SHC3: variants seen among roughly 807,000 people sequenced by gnomAD.
SHC3 encodes SHC-transforming protein 3.
Under a neutral mutation model 60.4 loss-of-function variants are expected in SHC3, and 15 were observed. That is an observed-to-expected ratio of 0.25 (90% CI 0.17 to 0.38). The LOEUF is 0.38. Ranked by LOEUF, SHC3 falls within the 10% of genes least tolerant of loss-of-function variation. SHC3 has a pLI of 1.00. For missense variants in SHC3, 677 were observed against 786.1 expected, an observed-to-expected ratio of 0.86 and a Z score of 1.66; for synonymous variants, 294 against 325.9, an observed-to-expected ratio of 0.90 and a Z score of 1.05.
At chr9:89,136,387 C>T (rs1253286776) in intron 1 of SHC3, among the ~76,000 whole-genome samples, 1 of 152,166 alleles carries the variant, frequency 6.6e-6, no homozygotes, top group Non-Finnish European at 1.5e-5. Flanking sequence ...AAAGACCTTG[C>T]TGATAAAACA....
intron 5 of SHC3, among the ~76,000 whole-genome samples, chr9:89,069,949 G>C (rs960561439): frequency 6.6e-6 from 1 of 152,314 alleles, no homozygotes; most frequent in East Asian, 1.9e-4. Context: ...GGGAAGAAAA[G>C]GTAGAAAAGT....
At chr9:89,095,237 G>A (rs1318869553) in intron 2 of SHC3, among the ~76,000 whole-genome samples, 2 of 152,154 alleles carry the variant, frequency 1.3e-5, no homozygotes, top group African/African-American at 4.8e-5. Context: ...ACTGATGAAT[G>A]GACAAACAAA....
At chr9:89,136,504 C>A (rs181208146) in intron 1 of SHC3, among the ~76,000 whole-genome samples, 204 of 152,272 alleles carry the variant, frequency 1.3e-3, no homozygotes, top group African/African-American at 4.7e-3. Flanking sequence ...TGACAGTTTA[C>A]AAATGCCAGG....
chr9:89,148,628 A>T (rs1273302954), intron 1 of SHC3, among the ~76,000 whole-genome samples: 1 of 152,256 alleles, frequency 6.6e-6, no homozygotes, highest in East Asian at 1.9e-4. Context: ...ATCACAGGTT[A>T]TATAAGATGA....
At chr9:89,031,285 G>C (rs1253850066) in intron 11 of SHC3, among the ~76,000 whole-genome samples, 2 of 152,128 alleles carry the variant, frequency 1.3e-5, no homozygotes, top group African/African-American at 4.8e-5. Flanking sequence ...ACAATTCAAT[G>C]GGTTTCAGTA....
At chr9:89,078,189 T>A (rs1331603277) in intron 2 of SHC3, among the ~76,000 whole-genome samples, 5 of 151,984 alleles carry the variant, frequency 3.3e-5, no homozygotes, top group African/African-American at 9.7e-5. Flanking sequence ...TTTTTTTTTT[T>A]ACATTTTGCT....
chr9:89,093,873 G>A (rs112366283), intron 2 of SHC3, among the ~76,000 whole-genome samples: 3,696 of 152,224 alleles, frequency 0.024, 67 homozygotes, highest in Middle Eastern at 0.068. Context: ...GGAGGCCAAG[G>A]TGGGTGGATC....
chr9:89,122,886 G>T (rs1391949135), intron 1 of SHC3, among the ~76,000 whole-genome samples: 1 of 152,194 alleles, frequency 6.6e-6, no homozygotes, highest in Non-Finnish European at 1.5e-5. Flanking sequence ...GATCAGCATA[G>T]AAACCAATAC....
chr9:89,084,497 A>C (rs920755679), intron 2 of SHC3, among the ~76,000 whole-genome samples: 3 of 152,258 alleles, frequency 2.0e-5, no homozygotes, highest in African/African-American at 7.2e-5. Flanking sequence ...CCCAACAGAG[A>C]CAAAATTGAG....
At chr9:89,116,408 C>G (rs1392339348) in intron 1 of SHC3, among the ~76,000 whole-genome samples, 1 of 152,106 alleles carries the variant, frequency 6.6e-6, no homozygotes, top group East Asian at 1.9e-4. Flanking sequence ...CCACCACTAT[C>G]ACAGAGTTAC....
At chr9:89,076,524 A>C (rs1302100638) in intron 3 of SHC3, among the ~76,000 whole-genome samples, 5 of 152,070 alleles carry the variant, frequency 3.3e-5, no homozygotes, top group Non-Finnish European at 4.4e-5. Context: ...TATTCACTAG[A>C]CAACTTAACT....
chr9:89,053,075 C>A (rs538520506), intron 6 of SHC3, among the ~76,000 whole-genome samples: 14 of 152,308 alleles, frequency 9.2e-5, no homozygotes, highest in Admixed American at 3.3e-4. Context: ...CCACTTCCAC[C>A]GTGCCCTACC....
intron 11 of SHC3, among the ~76,000 whole-genome samples, chr9:89,035,830 A>AATATAT (rs1185604208): frequency 1.6e-4 from 17 of 106,456 alleles, no homozygotes; most frequent in East Asian, 3.8e-4. Context: ...AAACAAACAA[A>AATATAT]ATATATATAT....
intron 2 of SHC3, among the ~76,000 whole-genome samples, chr9:89,104,883 A>G (rs888798815): frequency 1.3e-5 from 2 of 152,078 alleles, no homozygotes; most frequent in South Asian, 2.1e-4. Context: ...ATGTTGTTAC[A>G]TATCCTTTTA....
chr9:89,105,857 T>C (rs1240634582), intron 2 of SHC3, among the ~76,000 whole-genome samples: 1 of 152,156 alleles, frequency 6.6e-6, no homozygotes, highest in Non-Finnish European at 1.5e-5. Flanking sequence ...ATCTTTCCCT[T>C]CAGTTAGAAA....
At chr9:89,158,734 C>T (rs1015939250) in intron 1 of SHC3, among the ~76,000 whole-genome samples, 1 of 152,184 alleles carries the variant, frequency 6.6e-6, no homozygotes, top group African/African-American at 2.4e-5. Flanking sequence ...TTTGTTTCAC[C>T]ACGCTGTTTT....
intron 11 of SHC3, among the ~76,000 whole-genome samples, chr9:89,020,974 TGGGGAGGTGCCCA>T (rs1826192219): frequency 6.6e-6 from 1 of 152,102 alleles, no homozygotes; most frequent in Non-Finnish European, 1.5e-5. Flanking sequence ...ACTCAGGGCT[TGGGGAGGTGCCCA>T]GGGGAGCTGT....
chr9:89,151,620 G>A (rs1826547260), intron 1 of SHC3, among the ~76,000 whole-genome samples: 1 of 152,114 alleles, frequency 6.6e-6, no homozygotes, highest in South Asian at 2.1e-4. Context: ...ATTTGGGGCT[G>A]TTTTTAAATT....
intron 6 of SHC3, among the ~76,000 whole-genome samples, chr9:89,054,539 G>A (rs542347366): frequency 1.0e-3 from 152 of 152,318 alleles, no homozygotes; most frequent in African/African-American, 3.3e-3. Flanking sequence ...CAATCTTCTA[G>A]CCTGCCCTGT....
Sources: gnomAD v4.1 joint callset for allele counts (sites outside exome capture counted in the v4.1 genomes callset) on GRCh38, gnomAD v4.1.1 for gene constraint, MANE v1.5 for transcripts, NCBI Gene and HGNC (gene_info 2026-07-23, HGNC 2026-07-21) for gene names.